MSI2: variants seen among roughly 807,000 people sequenced by gnomAD.
The protein encoded by MSI2 is musashi RNA binding protein 2.
In MSI2, 17 loss-of-function variants were observed where a neutral mutation model predicts 45.6. The observed-to-expected ratio is 0.37, with a 90% CI of 0.26 to 0.56. MSI2 has a LOEUF of 0.56. Ranked by LOEUF, MSI2 falls within the 20% of genes least tolerant of loss-of-function variation. MSI2 has a pLI of 0.77. For synonymous variants in MSI2, 156 were observed against 158.2 expected (o/e 0.99, Z 0.11); for missense variants, 293 against 444.2 (o/e 0.66, Z 3.06).
chr17:57,477,678 C>T (rs2085567972), intron 6 of MSI2, among the ~76,000 whole-genome samples: 1 of 152,152 alleles, frequency 6.6e-6, no homozygotes, highest in African/African-American at 2.4e-5. Flanking sequence ...CTAGACTAAG[C>T]CAGGGAGGGC....
intron 5 of MSI2, among the ~76,000 whole-genome samples, chr17:57,379,170 A>G (rs2083554174): frequency 6.7e-6 from 1 of 149,642 alleles, no homozygotes; most frequent in South Asian, 2.1e-4. Flanking sequence ...ATTTGTTGTG[A>G]TCTCGTGTGG....
chr17:57,459,527 T>C (rs1416518024), intron 6 of MSI2, among the ~76,000 whole-genome samples: 51 of 152,154 alleles, frequency 3.4e-4, no homozygotes, highest in Admixed American at 3.0e-3. Context: ...AAGGAAGACT[T>C]GTTAGATGGG....
At chr17:57,511,684 C>G (rs1013776690) in intron 6 of MSI2, among the ~76,000 whole-genome samples, 4 of 152,174 alleles carry the variant, frequency 2.6e-5, no homozygotes, top group African/African-American at 9.7e-5. Flanking sequence ...AAGCCCCTGA[C>G]CCCTTGACCT....
At chr17:57,492,180 C>T (rs1419922989) in intron 6 of MSI2, among the ~76,000 whole-genome samples, 2 of 152,162 alleles carry the variant, frequency 1.3e-5, no homozygotes, top group East Asian at 1.9e-4. Context: ...AGCGAGGCAT[C>T]GTTCTGTTGT....
chr17:57,409,785 A>G (rs561981260), intron 6 of MSI2, among the ~76,000 whole-genome samples: 6 of 152,110 alleles, frequency 3.9e-5, no homozygotes, highest in South Asian at 2.1e-4. Flanking sequence ...AAGGCGGGCG[A>G]ATCATGAGGT....
chr17:57,396,237 T>A (rs1425454335), intron 5 of MSI2, among the ~76,000 whole-genome samples: 1 of 152,248 alleles, frequency 6.6e-6, no homozygotes, highest in African/African-American at 2.4e-5. Context: ...ATATTTGGTT[T>A]TTTTGGTGTT....
At chr17:57,369,439 A>C (rs1359632310) in intron 5 of MSI2, among the ~76,000 whole-genome samples, 1 of 152,210 alleles carries the variant, frequency 6.6e-6, no homozygotes, top group Non-Finnish European at 1.5e-5. Context: ...CTTAGGAATA[A>C]AGCAGGTTGG....
intron 11 of MSI2, among the ~76,000 whole-genome samples, chr17:57,654,510 C>G (rs1911441337): frequency 1.3e-5 from 2 of 152,324 alleles, no homozygotes; most frequent in Admixed American, 1.3e-4. Context: ...GGCAAAAGCT[C>G]TTTGCTCTGA....
intron 5 of MSI2, among the ~76,000 whole-genome samples, chr17:57,277,053 C>CTTTTTTT (rs34561938): frequency 2.4e-5 from 3 of 124,994 alleles, no homozygotes; most frequent in Admixed American, 8.2e-5. Flanking sequence ...GTTTTCTTTT[C>CTTTTTTT]TTTTTTTTTT....
At chr17:57,439,545 G>A (rs1382847655) in intron 6 of MSI2, among the ~76,000 whole-genome samples, 1 of 151,848 alleles carries the variant, frequency 6.6e-6, no homozygotes, top group Non-Finnish European at 1.5e-5. Context: ...AGGCACTGGG[G>A]AGATAGGCTT....
chr17:57,584,797 T>G (rs1165028105), intron 7 of MSI2, among the ~76,000 whole-genome samples: 1 of 151,812 alleles, frequency 6.6e-6, no homozygotes, highest in Admixed American at 6.5e-5. Context: ...TTGGGTTTTT[T>G]TTTTTTTTTA....
chr17:57,484,521 T>TCTTTGTA (rs1207062163), intron 6 of MSI2, among the ~76,000 whole-genome samples: 1 of 152,232 alleles, frequency 6.6e-6, no homozygotes, highest in Non-Finnish European at 1.5e-5. Flanking sequence ...ACCACAGCCT[T>TCTTTGTA]CTTTGTACAC....
At chr17:57,469,648 A>G (rs963448840) in intron 6 of MSI2, among the ~76,000 whole-genome samples, 1 of 152,230 alleles carries the variant, frequency 6.6e-6, no homozygotes, top group African/African-American at 2.4e-5. Context: ...TATCCAGAGC[A>G]TGGAGACTGG....
At chr17:57,414,375 C>T (rs1376894832) in intron 6 of MSI2, among the ~76,000 whole-genome samples, 1 of 150,364 alleles carries the variant, frequency 6.7e-6, no homozygotes, top group East Asian at 1.9e-4. Context: ...GAAGGAGTTT[C>T]AAAGGGTAAA....
intron 10 of MSI2, among the ~76,000 whole-genome samples, chr17:57,641,592 C>A (rs1372335471): frequency 6.6e-6 from 1 of 152,104 alleles, no homozygotes; most frequent in Non-Finnish European, 1.5e-5. Context: ...GATCAATGGT[C>A]AGAACATTCG....
chr17:57,674,134 C>A (rs1205528772), intron 11 of MSI2, among the ~76,000 whole-genome samples: 1 of 151,328 alleles, frequency 6.6e-6, no homozygotes, highest in African/African-American at 2.4e-5. Context: ...AGGAAACTCT[C>A]TGCCGCCATC....
At chr17:57,276,827 C>T (rs1476860883) in intron 5 of MSI2, among the ~76,000 whole-genome samples, 2 of 152,114 alleles carry the variant, frequency 1.3e-5, no homozygotes, top group Non-Finnish European at 2.9e-5. Context: ...GGAGGCGCCT[C>T]ATTTTTGTGC....
Position 57,680,587 on chromosome 17 carries a change from G to T in MSI2, c.*1070G>T, listed in dbSNP as rs1435329891. ...TAGACCTAAGAACTGTATTAGTGTT[G>T]TACCAGCCTATTAACCTCTTGTCTG... On this transcript the variant is annotated 3_prime_UTR_variant, in exon 14 of 14. Coordinates refer to ENST00000284073, the MANE Select transcript of MSI2 (RefSeq NM_138962.4). The T allele has an allele frequency of 2.2e-5, 5 of 226,932 alleles. No individual in the cohort carries two copies. The highest frequency in any genetic ancestry group is 6.7e-5 in the African/African-American group (3 of 44,916). The allele number at this position is 226,932 out of a possible 1,614,324, so 14.1% of individuals were successfully genotyped here. A position where few individuals can be genotyped will look rare whatever the true frequency, so the allele number is the denominator to read the frequency against.
At chr17:57,545,429 C>T (rs140634090) in intron 7 of MSI2, among the ~76,000 whole-genome samples, 48 of 152,292 alleles carry the variant, frequency 3.2e-4, no homozygotes, top group Admixed American at 3.0e-3. Flanking sequence ...CTCCAGACAT[C>T]CCCACCCCTG....
Sources: allele counts gnomAD v4.1 joint callset (sites outside exome capture counted in the v4.1 genomes callset), GRCh38; gene constraint gnomAD v4.1.1; transcripts MANE v1.5; gene names NCBI Gene and HGNC (gene_info 2026-07-23, HGNC 2026-07-21).